Variants in WDR19 observed in about 807,000 individuals in gnomAD.
The protein encoded by WDR19 is WD repeat domain 19.
In WDR19, 121 loss-of-function variants were observed where a neutral mutation model predicts 180.0. That is an observed-to-expected ratio of 0.67 (90% CI 0.58 to 0.78). The LOEUF (loss-of-function observed/expected upper bound fraction) is 0.78. WDR19 is among the 30% of genes least tolerant of loss of function. The pLI is 0.00. For missense variants in WDR19, 1,450 were observed against 1,640.7 expected (o/e 0.88, Z 2.01); for synonymous variants, 497 against 540.7 (o/e 0.92, Z 1.12).
At chr4:39,280,039 C>A (rs1736315539) in intron 36 of WDR19, among the ~76,000 whole-genome samples, 4 of 132,942 alleles carry the variant, frequency 3.0e-5, no homozygotes, top group East Asian at 2.3e-4. Flanking sequence ...TCTAAGAGTT[C>A]TTTATATGTT....
intron 20 of WDR19, among the ~76,000 whole-genome samples, chr4:39,239,801 T>C (rs910377998): frequency 2.0e-5 from 3 of 152,214 alleles, no homozygotes; most frequent in African/African-American, 7.2e-5. Flanking sequence ...TTTGAAAGAA[T>C]GCATCTGTAG....
chr4:39,190,617 A>G (rs1159162976), intron 4 of WDR19, among the ~76,000 whole-genome samples: 1 of 152,210 alleles, frequency 6.6e-6, no homozygotes, highest in African/African-American at 2.4e-5. Flanking sequence ...ATAAGTTTTC[A>G]AGTTATTTAC....
chr4:39,201,663 A>G (rs1283448275), intron 6 of WDR19, among the ~76,000 whole-genome samples: 1 of 152,198 alleles, frequency 6.6e-6, no homozygotes, highest in Non-Finnish European at 1.5e-5. Flanking sequence ...AATGGTAAAT[A>G]TGGTATAAAT....
At chr4:39,269,755 G>A (rs952377124) in intron 30 of WDR19, among the ~76,000 whole-genome samples, 2 of 152,204 alleles carry the variant, frequency 1.3e-5, no homozygotes, top group Non-Finnish European at 2.9e-5. Context: ...AGTGAACAGA[G>A]ATTGTGCCCT....
intron 29 of WDR19, among the ~76,000 whole-genome samples, chr4:39,266,684 T>C (rs1487236508): frequency 6.6e-6 from 1 of 152,252 alleles, no homozygotes; most frequent in African/African-American, 2.4e-5. Flanking sequence ...AACTATGACC[T>C]AGCATTCATC....
In WDR19 at chr4:39,205,728, A is replaced by G; in HGVS notation, c.882A>G (p.Gly294=). Residue 294 remains glycine (G), a synonymous_variant, in exon 9 of 37, where the codon GGA becomes GGG. Transcript: ENST00000399820. ...SQTLNKVATC[G]DNCIKIQDLV... is the part of the protein sequence containing the mutation. ...CTCTTAACAAAGTTGCTACATGTGG[A>G]GATAACTGGTAAGTTATTTTCACAT... 1 of 1,599,134 alleles carries G rather than the reference A, an allele frequency of 6.3e-7. No individual in the cohort carries two copies. The highest frequency in any genetic ancestry group is 8.5e-7 in the Non-Finnish European group (1 of 1,172,176).
chr4:39,220,697 A>G (rs1729593838), intron 14 of WDR19, among the ~76,000 whole-genome samples: 1 of 149,400 alleles, frequency 6.7e-6, no homozygotes, highest in Admixed American at 6.7e-5. Flanking sequence ...TTTAGTAGAG[A>G]CGGGGTTTCA....
chr4:39,235,103 T>G (rs1731248135), intron 20 of WDR19, among the ~76,000 whole-genome samples: 1 of 152,148 alleles, frequency 6.6e-6, no homozygotes, highest in African/African-American at 2.4e-5. Context: ...CTAAGCTGTT[T>G]CTGCATTTAG....
chr4:39,222,631 G>A (rs1729815485), intron 14 of WDR19, among the ~76,000 whole-genome samples: 1 of 152,138 alleles, frequency 6.6e-6, no homozygotes, highest in South Asian at 2.1e-4. Flanking sequence ...AGTTGTTCCA[G>A]CACCATTTTT....
intron 9 of WDR19, among the ~76,000 whole-genome samples, chr4:39,206,964 A>C (rs764244021): frequency 1.4e-4 from 22 of 152,242 alleles, no homozygotes; most frequent in Non-Finnish European, 2.2e-4. Context: ...GGTCCAGAAT[A>C]GAACCCCAAA....
chr4:39,283,643 C>T (rs1324913171), intron 36 of WDR19, among the ~76,000 whole-genome samples: 1 of 151,770 alleles, frequency 6.6e-6, no homozygotes, highest in Non-Finnish European at 1.5e-5. Context: ...ATTATAAATC[C>T]TGTAATACAA....
Position 39,185,821 on chromosome 4 carries a change from A to G in WDR19, c.98+4A>G, listed in dbSNP as rs1725457971. 3 of 1,547,758 alleles carry G rather than the reference A, an allele frequency of 1.9e-6. No homozygotes were observed. Among genetic ancestry groups the G allele is most frequent in the Non-Finnish European group, 8.7e-7 (1 of 1,143,386 alleles). ...GAAACTACCTTGCAGTAACAGGGTA[A>G]GAAACCAATGAATGTTTTAAGCAGT... is the stretch of plus-strand genomic sequence containing the variant. On this transcript the variant is annotated splice_donor_region_variant and intron_variant, in intron 2 of 36. Transcript: ENST00000399820.
chr4:39,281,228 T>TAGAGAGAGAGAGAGAG (rs1437561762), intron 36 of WDR19, among the ~76,000 whole-genome samples: 81 of 98,700 alleles, frequency 8.2e-4, no homozygotes, highest in Non-Finnish European at 1.2e-3. Context: ...TATATATATA[T>TAGAGAGAGAGAGAGAG]ATATATATAG....
At chr4:39,244,154 TTG>T in intron 21 of WDR19, 92 bp from the exon 22 acceptor site, 1 of 1,410,458 alleles carries the variant, frequency 7.1e-7, no homozygotes, top group Non-Finnish European at 9.5e-7. Context: ...ACCATAACCT[TTG>T]GACTCATTTT....
Position 39,224,908 on chromosome 4 carries a change from A to C in WDR19, c.1504A>C (p.Ile502Leu), listed in dbSNP as rs766541781. 3 of 1,560,416 alleles carry C rather than the reference A, an allele frequency of 1.9e-6. No homozygotes were observed. The highest frequency in any genetic ancestry group is 2.6e-6 in the Non-Finnish European group (3 of 1,152,708). ...GACTGGTGTCGTTCAGTATTTCTAC[A>C]TTGAAGACTGGCAATTCGTTAATGA... ...TDTGVVQYFY[I>L]EDWQFVNDYR... is the part of the protein sequence containing the mutation. Residue 502 changes from isoleucine (I) to leucine (L), a missense_variant, in exon 15 of 37, where the codon ATT becomes CTT. Coordinates refer to ENST00000399820, the MANE Select transcript of WDR19 (RefSeq NM_025132.4).
chr4:39,213,871 T>G (rs1454761605), intron 9 of WDR19, among the ~76,000 whole-genome samples: 4 of 152,216 alleles, frequency 2.6e-5, no homozygotes, highest in Admixed American at 2.6e-4. Context: ...AATCTCTCTA[T>G]CTCTCTATAT....
Position 39,216,165 on chromosome 4 carries a change from G to A in WDR19, c.1204G>A (p.Val402Ile). 4 of 1,590,256 alleles carry A rather than the reference G, an allele frequency of 2.5e-6. No individual in the cohort carries two copies. The highest frequency in any genetic ancestry group is 2.6e-6 in the Non-Finnish European group (3 of 1,168,220). ...GGCAGTAGGTCTTTATCATCTGGCTGTAGGAATGAATAATCGAGCTTGGTT... is the reference window on the plus strand; with the variant it reads ...GGCAGTAGGTCTTTATCATCTGGCTATAGGAATGAATAATCGAGCTTGGTT... ...FVAVGLYHLA[V>I]GMNNRAWFYV... The change falls in exon 12 of 37, where the codon GTA (valine) becomes ATA (isoleucine). Residue 402 changes from valine to isoleucine, a missense_variant. Val to Ile is a conservative substitution (Grantham distance 29). Transcript: ENST00000399820.
intron 5 of WDR19, among the ~76,000 whole-genome samples, chr4:39,197,545 A>G (rs947974613): frequency 6.6e-6 from 1 of 152,144 alleles, no homozygotes; most frequent in African/African-American, 2.4e-5. Flanking sequence ...TCCAGAATCT[A>G]TACACTTAAC....
intron 36 of WDR19, among the ~76,000 whole-genome samples, chr4:39,279,143 C>T (rs1172046560): frequency 1.3e-5 from 2 of 152,154 alleles, no homozygotes; most frequent in African/African-American, 2.4e-5. Context: ...ACACATACTG[C>T]GGAGGAAGGC....
Sources: allele counts gnomAD v4.1 joint callset (sites outside exome capture counted in the v4.1 genomes callset), GRCh38; gene constraint gnomAD v4.1.1; transcripts MANE v1.5; gene names NCBI Gene and HGNC (gene_info 2026-07-23, HGNC 2026-07-21).